GATA3: variants seen among roughly 807,000 people sequenced by gnomAD.
The protein encoded by GATA3 is trans-acting T-cell-specific transcription factor GATA-3.
GATA3 carries 6 observed loss-of-function variants against 36.0 expected under a neutral mutation model. The ratio of observed to expected loss-of-function variants is 0.17; its 90% confidence interval spans 0.09 to 0.33. GATA3 has a LOEUF of 0.33. Among genes scored for constraint, GATA3 ranks in the 10% least tolerant of loss-of-function variants. The pLI is 1.00. For missense variants in GATA3, 514 were observed against 610.1 expected (o/e 0.84, Z 1.66); for synonymous variants, 326 against 273.0 (o/e 1.19, Z -1.92).
At chr10:8,065,436 T>C (rs1004914825) in intron 4 of GATA3, among the ~76,000 whole-genome samples, 4 of 151,838 alleles carry the variant, frequency 2.6e-5, no homozygotes, top group African/African-American at 9.7e-5. Context: ...TTTTGTATTT[T>C]CAGTAGAGAC....
At position 8,073,961 on chromosome 10, in the gene GATA3, C is replaced by T; in HGVS notation, c.1273C>T (p.Pro425Ser). The T allele has an allele frequency of 6.2e-7, 1 of 1,614,184 alleles. No individual in the cohort carries two copies. The highest frequency in any genetic ancestry group is 8.5e-7 in the Non-Finnish European group (1 of 1,180,038). Residue 425 changes from proline to serine, a missense_variant, in exon 6 of 6, where the codon CCG becomes TCG. Physicochemically the swap from Pro to Ser is moderately conservative, Grantham distance 74 (BLOSUM62 -1). Transcript: ENST00000379328. The stretch of plus-strand genomic sequence containing the variant: ...GCTGACCACGCCCACGCCGATGCAC[C>T]CGCCATCCAGCCTGTCCTTTGGACC... ...HMLTTPTPMH[P>S]PSSLSFGPHH...
chr10:8,058,348 C>G lies in GATA3; in HGVS notation c.285C>G (p.Pro95=), dbSNP rs1832679409. ...CGCCTCTGCTTCATGGATCCCTACCCTGGCTGGACGGCGGCAAAGCCCTGG... is the reference window on the plus strand; with the variant it reads ...CGCCTCTGCTTCATGGATCCCTACCGTGGCTGGACGGCGGCAAAGCCCTGG... ...CRPPLLHGSL[P]WLDGGKALGS... is the part of the protein sequence containing the mutation. Residue 95 remains proline (P), a synonymous_variant, in exon 3 of 6, where the codon CCC becomes CCG. Transcript: ENST00000379328. The G allele has an allele frequency of 2.5e-6, 4 of 1,613,264 alleles. No individual in the cohort carries two copies. Among genetic ancestry groups the G allele is most frequent in the African/African-American group, 1.3e-5 (1 of 74,910 alleles).
At chr10:8,056,656 G>A (rs1430308229) in intron 2 of GATA3, among the ~76,000 whole-genome samples, 2 of 152,140 alleles carry the variant, frequency 1.3e-5, no homozygotes, top group Admixed American at 6.5e-5. Context: ...TGCAACTCTT[G>A]CCTTACTCTG....
chr10:8,070,184 G>A (rs971343015), intron 5 of GATA3, among the ~76,000 whole-genome samples: 2 of 152,174 alleles, frequency 1.3e-5, no homozygotes, highest in Non-Finnish European at 2.9e-5. Flanking sequence ...CACGTGTAGA[G>A]AGCTAGCTCC....
intron 3 of GATA3, among the ~76,000 whole-genome samples, chr10:8,059,207 G>A (rs898441340): frequency 3.3e-5 from 5 of 152,206 alleles, no homozygotes; most frequent in African/African-American, 4.8e-5. Flanking sequence ...ATTCTTGAGT[G>A]TTTCATGCTA....
chr10:8,061,066 G>GCT (rs111353803), intron 3 of GATA3, among the ~76,000 whole-genome samples: 67 of 149,040 alleles, frequency 4.5e-4, no homozygotes, highest in Non-Finnish European at 7.0e-4. Flanking sequence ...TTTAGTGGTT[G>GCT]CTCTCTCTCT....
At position 8,065,700 on chromosome 10, in the gene GATA3, G is replaced by GTTTTTTTTTTT. The variant is rs748515966; in HGVS notation, c.924+1577_924+1587dup. The stretch of plus-strand genomic sequence containing the variant: ...CCCCCACCTCTCCTCCAGCAGTTTG[G>GTTTTTTTTTTT]TTTTTTTTTTTTTTTTTTTTTTTTT... On this transcript the variant is annotated intron_variant, in intron 4 of 5. Transcript: ENST00000379328. 2.6e-4 allele frequency among the ~76,000 whole-genome samples: 16 copies of GTTTTTTTTTTT among 62,284 alleles called. 1 individual carries two copies. Among genetic ancestry groups the GTTTTTTTTTTT allele is most frequent in the East Asian group, 5.6e-4 (1 of 1,798 alleles). The allele number at this position is 62,284 out of a possible 152,430, so 40.9% of individuals were successfully genotyped here.
Position 8,055,570 on chromosome 10 carries a change from A to C in GATA3, c.-86A>C. On this transcript the variant is annotated 5_prime_UTR_variant, in exon 2 of 6. Coordinates refer to ENST00000379328, the MANE Select transcript of GATA3 (RefSeq NM_001002295.2). This position sits in a 1 kb window ranked among gnomAD's most constrained non-coding sequence, Gnocchi z 5.4. ...CGACCCCCGACCCTCCGACGGCAGG[A>C]GCCCCCCGACCTCCCAGGCGGACCG... The C allele has an allele frequency of 7.4e-7, 1 of 1,359,186 alleles. No individual in the cohort carries two copies. 84.2% of individuals were successfully genotyped at this position (1,359,186 alleles called of 1,614,324 possible).
upstream of GATA3, chr10:8,052,157 C>G (rs184023381): frequency 6.6e-6 from 1 of 152,248 alleles, no homozygotes; most frequent in Non-Finnish European, 1.5e-5. Flanking sequence ...CTAAATACCC[C>G]CTACCGGCTG....
chr10:8,054,030 G>A (rs1283455878), upstream of GATA3, among the ~76,000 whole-genome samples: 1 of 152,170 alleles, frequency 6.6e-6, no homozygotes, highest in Non-Finnish European at 1.5e-5. This position sits in a 1 kb window ranked among gnomAD's most constrained non-coding sequence, Gnocchi z 4.2. Flanking sequence ...AGCGCAGAAG[G>A]CTCGGGAAAG....
chr10:8,069,429 A>G (rs1351124713), intron 4 of GATA3, 44 bp from the exon 5 acceptor site: 1 of 1,580,814 alleles, frequency 6.3e-7, no homozygotes, highest in Middle Eastern at 1.7e-4. Flanking sequence ...CAACACATTT[A>G]ACATTTGTTT....
chr10:8,060,915 G>A (rs952850442), intron 3 of GATA3, among the ~76,000 whole-genome samples: 2 of 151,916 alleles, frequency 1.3e-5, no homozygotes, highest in Non-Finnish European at 2.9e-5. Context: ...TCTCACAGTC[G>A]TGAAAACCGA....
intron 4 of GATA3, among the ~76,000 whole-genome samples, chr10:8,067,700 C>CT (rs11567923): frequency 0.25 from 38,737 of 152,002 alleles, 5,538 homozygotes; most frequent in African/African-American, 0.39. Flanking sequence ...CGCCTGTAGT[C>CT]CCAGCTACTT....
upstream of GATA3, among the ~76,000 whole-genome samples, chr10:8,048,985 G>A (rs994818232): frequency 1.3e-5 from 2 of 151,852 alleles, no homozygotes; most frequent in Admixed American, 1.3e-4. Context: ...ATCTCCCAGC[G>A]CATCTCCTCT....
chr10:8,064,859 C>T (rs1832810003), intron 4 of GATA3, among the ~76,000 whole-genome samples: 1 of 152,182 alleles, frequency 6.6e-6, no homozygotes, highest in African/African-American at 2.4e-5. Flanking sequence ...TTTCTCTCCT[C>T]TCTCATTATT....
At chr10:8,047,719 A>C (rs972099053) in intron 1 of GATA3, among the ~76,000 whole-genome samples, 4 of 152,212 alleles carry the variant, frequency 2.6e-5, no homozygotes, top group African/African-American at 7.2e-5. Flanking sequence ...AAGAACAGGC[A>C]CATGCGTCTG....
At chr10:8,049,960 C>T (rs531710833), upstream of GATA3, among the ~76,000 whole-genome samples, 452 of 152,320 alleles carry the variant, frequency 3.0e-3, 1 homozygote, top group African/African-American at 0.01. Flanking sequence ...GCGGCCACAG[C>T]TGGACGCGCG....
At chr10:8,072,125 G>A (rs1194486600) in intron 5 of GATA3, among the ~76,000 whole-genome samples, 11 of 152,136 alleles carry the variant, frequency 7.2e-5, no homozygotes, top group Admixed American at 7.2e-4. Flanking sequence ...GCCTTCCTGG[G>A]CTTGGGGAAA....
At position 8,058,461 on chromosome 10, in the gene GATA3, AC is replaced by A. The variant is rs772396478; in HGVS notation, c.404del (p.Pro135ArgfsTer60). Reference protein sequence around the residue: ...HHGSPGPLSVYPPASSSSLSG... With the variant: ...HHGSPGPLSVXPPASSSSLSG... ...GGCTCCCCGGGGCCCCTCTCCGTCT[AC>A]CCCCCGGCCTCGTCCTCCTCCTTGT... On this transcript the variant is annotated frameshift_variant, in exon 3 of 6. Transcript: ENST00000379328. LOFTEE classifies it high-confidence loss of function. 6.2e-7 allele frequency: 1 copy of A among 1,611,090 alleles called. No homozygotes were observed.
Sources: allele counts gnomAD v4.1 joint callset (sites outside exome capture counted in the v4.1 genomes callset), GRCh38; gene constraint gnomAD v4.1.1; non-coding constraint Gnocchi (gnomAD v3.1); transcripts MANE v1.5; gene names NCBI Gene and HGNC (gene_info 2026-07-23, HGNC 2026-07-21).